ATG7: variants seen among roughly 807,000 people sequenced by gnomAD.
ATG7 encodes ubiquitin-like modifier-activating enzyme ATG7.
In ATG7, 70 loss-of-function variants were observed where a neutral mutation model predicts 82.4. The observed-to-expected ratio is 0.85, with a 90% CI of 0.70 to 1.04. The LOEUF (loss-of-function observed/expected upper bound fraction) is 1.04. ATG7 is among the 50% of genes least tolerant of loss of function. The pLI is 0.00. For missense variants in ATG7, 792 were observed against 864.3 expected, an observed-to-expected ratio of 0.92 and a Z score of 1.05; for synonymous variants, 287 against 313.0, an observed-to-expected ratio of 0.92 and a Z score of 0.88.
chr3:11,342,407 C>G, intron 13 of ATG7, 128 bp downstream of exon 13: 1 of 1,207,944 alleles, frequency 8.3e-7, no homozygotes. Flanking sequence ...TTCCTTTTTC[C>G]TTTTCTTATC....
intron 20 of ATG7, among the ~76,000 whole-genome samples, chr3:11,528,093 A>C (rs1463186710): frequency 2.6e-5 from 4 of 152,126 alleles, no homozygotes; most frequent in Admixed American, 1.3e-4. Context: ...CATGTTGGGG[A>C]CCAACATGAG....
At chr3:11,376,793 C>A (rs1225657463) in intron 18 of ATG7, among the ~76,000 whole-genome samples, 1 of 152,170 alleles carries the variant, frequency 6.6e-6, no homozygotes, top group Non-Finnish European at 1.5e-5. Flanking sequence ...GGCTGGAGTG[C>A]AGTGGCACCA....
At position 11,534,028 on chromosome 3, in the gene ATG7, G is replaced by A. The variant is rs539525905; in HGVS notation, c.2080-20783G>A. Among the ~76,000 whole-genome samples, 153 of 152,268 alleles carry A rather than the reference G, an allele frequency of 1.0e-3. 1 individual carries two copies. The highest frequency in any genetic ancestry group is 9.7e-3 in the Admixed American group (149 of 15,296). ...TCCAGAATTTCAGCACTTGTGAGCC[G>A]TGCCACTGTCAGAGTTGGAAAAGTA... is the stretch of plus-strand genomic sequence containing the variant. On this transcript the variant is annotated intron_variant, in intron 20 of 20. Transcript: ENST00000693202.
chr3:11,554,143 C>T (rs1211304613), intron 20 of ATG7, among the ~76,000 whole-genome samples: 1 of 152,218 alleles, frequency 6.6e-6, no homozygotes, highest in Non-Finnish European at 1.5e-5. Context: ...CAGTTCTCCT[C>T]ACAGCCACGT....
At chr3:11,512,535 ACTTCAAGAATGAAG>A (rs1430584660) in intron 20 of ATG7, among the ~76,000 whole-genome samples, 2 of 152,202 alleles carry the variant, frequency 1.3e-5, no homozygotes, top group Admixed American at 1.3e-4. Context: ...GGTCTCACTG[ACTTCAAGAATGAAG>A]CCATGGACCG....
At chr3:11,463,818 A>T (rs530390524) in intron 20 of ATG7, among the ~76,000 whole-genome samples, 1 of 152,158 alleles carries the variant, frequency 6.6e-6, no homozygotes, top group Admixed American at 6.5e-5. Flanking sequence ...CACACCCCAA[A>T]CTCTCATATG....
intron 19 of ATG7, among the ~76,000 whole-genome samples, chr3:11,384,805 A>T (rs2078190001): frequency 6.6e-6 from 1 of 151,956 alleles, no homozygotes; most frequent in Non-Finnish European, 1.5e-5. Context: ...TACAAAGAAT[A>T]CAAAAATTGG....
At chr3:11,280,454 C>G (rs913149848) in intron 1 of ATG7, among the ~76,000 whole-genome samples, 26 of 152,312 alleles carry the variant, frequency 1.7e-4, no homozygotes, top group African/African-American at 6.0e-4. Flanking sequence ...GTAGCAGAGA[C>G]AGGATTTGAA....
intron 20 of ATG7, among the ~76,000 whole-genome samples, chr3:11,548,440 CT>C (rs2071473672): frequency 6.6e-6 from 1 of 151,982 alleles, no homozygotes; most frequent in Non-Finnish European, 1.5e-5. Flanking sequence ...TTTTGGTTTC[CT>C]TTTTTAGTCT....
At chr3:11,420,209 A>G (rs533980130) in intron 19 of ATG7, among the ~76,000 whole-genome samples, 12 of 152,236 alleles carry the variant, frequency 7.9e-5, no homozygotes, top group Non-Finnish European at 1.5e-4. Flanking sequence ...TTCACAGCAC[A>G]TAAAAAGAAT....
chr3:11,506,041 A>G (rs527429450), intron 20 of ATG7, among the ~76,000 whole-genome samples: 5,598 of 152,266 alleles, frequency 0.037, 343 homozygotes, highest in African/African-American at 0.13. Flanking sequence ...TGCTTTGTAA[A>G]TAGAACATTT....
chr3:11,389,292 TGAA>T, intron 19 of ATG7, among the ~76,000 whole-genome samples: 1 of 150,812 alleles, frequency 6.6e-6, no homozygotes, highest in South Asian at 2.1e-4. Flanking sequence ...GTCTTATTCC[TGAA>T]GTTACCCTTA....
intron 19 of ATG7, among the ~76,000 whole-genome samples, chr3:11,399,820 C>T (rs1289485231): frequency 6.6e-6 from 1 of 152,138 alleles, no homozygotes; most frequent in African/African-American, 2.4e-5. Flanking sequence ...GTAATCTGCC[C>T]ACCTCGGCCT....
At chr3:11,460,226 T>C (rs1202787507) in intron 20 of ATG7, among the ~76,000 whole-genome samples, 5 of 152,266 alleles carry the variant, frequency 3.3e-5, no homozygotes, top group African/African-American at 9.6e-5. Context: ...CTAGGCTCTA[T>C]CTGAACCTCC....
intron 10 of ATG7, 128 bp from the exon 11 acceptor site, chr3:11,332,844 T>G (rs926429139): frequency 1.0e-6 from 1 of 965,352 alleles, no homozygotes; most frequent in Non-Finnish European, 1.4e-6. Flanking sequence ...CCTGTGGGTA[T>G]CAGAGAGGCA....
intron 20 of ATG7, among the ~76,000 whole-genome samples, chr3:11,509,498 A>G (rs949739841): frequency 2.6e-5 from 4 of 152,094 alleles, no homozygotes; most frequent in African/African-American, 4.8e-5. Flanking sequence ...TGTCACAGAC[A>G]TAGACATGTT....
Position 11,312,441 on chromosome 3 carries a change from A to G in ATG7, c.412-863A>G, listed in dbSNP as rs537186882. On this transcript the variant is annotated intron_variant, in intron 7 of 20. Transcript: ENST00000693202. ...CAGCCTCACAAATCCTTTCCCCTGGATCTCCTACCCTGGTGGGGGATCGGT... is the reference window on the plus strand; with the variant it reads ...CAGCCTCACAAATCCTTTCCCCTGGGTCTCCTACCCTGGTGGGGGATCGGT... 3.3e-5 allele frequency among the ~76,000 whole-genome samples: 5 copies of G among 152,290 alleles called. No individual in the cohort carries two copies. In the East Asian group the frequency reaches 9.6e-4, roughly 29 times the overall value.
chr3:11,386,710 A>G (rs1286914321), intron 19 of ATG7, among the ~76,000 whole-genome samples: 1 of 152,122 alleles, frequency 6.6e-6, no homozygotes, highest in East Asian at 1.9e-4. Flanking sequence ...TTCCTATCTC[A>G]TTTACCCAGC....
chr3:11,465,943 G>A (rs1232315025), intron 20 of ATG7, among the ~76,000 whole-genome samples: 4 of 152,272 alleles, frequency 2.6e-5, no homozygotes, highest in African/African-American at 9.6e-5. Context: ...TTTGCTCTCT[G>A]GATCAATATT....
Sources: allele counts gnomAD v4.1 joint callset (sites outside exome capture counted in the v4.1 genomes callset), GRCh38; gene constraint gnomAD v4.1.1; transcripts MANE v1.5; gene names NCBI Gene and HGNC (gene_info 2026-07-23, HGNC 2026-07-21).